SORD: variants seen among roughly 807,000 people sequenced by gnomAD.
The protein encoded by SORD is sorbitol dehydrogenase.
In SORD, 18 loss-of-function variants were observed where a neutral mutation model predicts 35.6. The ratio of observed to expected loss-of-function variants is 0.51; its 90% CI spans 0.35 to 0.75. SORD has a LOEUF of 0.75. SORD is among the 30% of genes least tolerant of loss of function. The pLI, the probability that SORD is intolerant of heterozygous loss-of-function variation, is 0.01. For missense variants in SORD, 250 were observed against 390.2 expected, an observed-to-expected ratio of 0.64 and a Z score of 3.03; for synonymous variants, 106 against 152.9, an observed-to-expected ratio of 0.69 and a Z score of 2.26.
chr15:45,030,922 T>G (rs1391349565), intron 1 of SORD, among the ~76,000 whole-genome samples: 4 of 152,250 alleles, frequency 2.6e-5, no homozygotes, highest in Non-Finnish European at 5.9e-5. Flanking sequence ...CTACTTGTGC[T>G]GACTCCGACC....
In SORD at chr15:45,068,448, A is replaced by AGT. The variant is rs3042989; in HGVS notation, c.610+217_610+218dup. On this transcript the variant is annotated intron_variant, in intron 6 of 8. Transcript: ENST00000267814. ...GAGAGAGAGAGAGTTTGTGTGAGAG[A>AGT]GTGTGTGTGTGTGTGTCTGTGTGTA... is the stretch of plus-strand genomic sequence containing the variant. 4.0e-4 allele frequency among the ~76,000 whole-genome samples: 47 copies of AGT among 116,154 alleles called. No individual in the cohort carries two copies. The East Asian group carries it at 6.5e-3, about 16-fold the overall frequency. 76.2% of individuals were successfully genotyped at this position (116,154 alleles called of 152,430 possible). A position where few individuals can be genotyped will look rare whatever the true frequency, so the allele number is the denominator to read the frequency against.
At chr15:45,058,815 T>G (rs1316126635) in intron 3 of SORD, 6 of 152,254 alleles carry the variant, frequency 3.9e-5, no homozygotes, top group Non-Finnish European at 8.8e-5. Context: ...GTCTAGGTGT[T>G]GTGTAACTTA....
chr15:45,060,256 G>C (rs1376854142), intron 3 of SORD, among the ~76,000 whole-genome samples: 3 of 152,224 alleles, frequency 2.0e-5, no homozygotes, highest in Non-Finnish European at 4.4e-5. Flanking sequence ...AGTGAACATA[G>C]CTAGATGTTC....
intron 1 of SORD, among the ~76,000 whole-genome samples, chr15:45,023,595 A>T (rs558947309): frequency 2.0e-4 from 30 of 152,352 alleles, no homozygotes; most frequent in Non-Finnish European, 3.7e-4. Context: ...GCCGGTGCCC[A>T]GGACGGTTGC....
intron 1 of SORD, among the ~76,000 whole-genome samples, chr15:45,031,447 T>C (rs1288810386): frequency 3.3e-5 from 5 of 152,362 alleles, no homozygotes; most frequent in African/African-American, 1.2e-4. Flanking sequence ...TTGTTGCTGT[T>C]CTTCTCCCAG....
chr15:45,048,733 G>A (rs1893083343), intron 3 of SORD, among the ~76,000 whole-genome samples: 1 of 152,142 alleles, frequency 6.6e-6, no homozygotes, highest in East Asian at 1.9e-4. Context: ...GAGTGAGGTT[G>A]GAACGAAAGT....
At chr15:45,070,081 C>A (rs1413083380) in intron 7 of SORD, 1 of 152,158 alleles carries the variant, frequency 6.6e-6, no homozygotes, top group Non-Finnish European at 1.5e-5. Context: ...TGCACAATAG[C>A]CCTGAAAACC....
chr15:45,023,588 G>A (rs1475848298), intron 1 of SORD, among the ~76,000 whole-genome samples: 1 of 152,224 alleles, frequency 6.6e-6, no homozygotes, highest in Non-Finnish European at 1.5e-5. Context: ...GCACGTGGCC[G>A]GTGCCCAGGA....
intron 4 of SORD, among the ~76,000 whole-genome samples, chr15:45,063,656 A>G (rs1893359262): frequency 6.6e-6 from 1 of 152,168 alleles, no homozygotes. Context: ...CACCTTCCCC[A>G]ATCCCATCTC....
intron 3 of SORD, among the ~76,000 whole-genome samples, chr15:45,055,946 A>G (rs1425739024): frequency 3.3e-5 from 5 of 152,200 alleles, no homozygotes; most frequent in Non-Finnish European, 7.4e-5. Flanking sequence ...ACAACTCTTC[A>G]TGCTAAAAAC....
At chr15:45,060,838 G>A (rs151122862) in intron 3 of SORD, 401 of 801,386 alleles carry the variant, frequency 5.0e-4, no homozygotes, top group Non-Finnish European at 6.9e-4. Flanking sequence ...GTGACTCTGT[G>A]CTTCATCCCA....
At chr15:45,055,746 A>T (rs904181645) in intron 3 of SORD, among the ~76,000 whole-genome samples, 13 of 152,376 alleles carry the variant, frequency 8.5e-5, no homozygotes, top group Admixed American at 7.8e-4. Flanking sequence ...CCTCAATAAA[A>T]TACTGGCAAA....
At chr15:45,044,191 TG>T (rs1305740200) in intron 3 of SORD, among the ~76,000 whole-genome samples, 1 of 152,248 alleles carries the variant, frequency 6.6e-6, no homozygotes, top group South Asian at 2.1e-4. Context: ...AAGGCTCCTG[TG>T]GTGTTATGAG....
intron 3 of SORD, among the ~76,000 whole-genome samples, chr15:45,054,393 C>G (rs1893179052): frequency 6.6e-6 from 1 of 152,112 alleles, no homozygotes; most frequent in African/African-American, 2.4e-5. Context: ...CTCTGATGGC[C>G]AGTGATGATG....
At chr15:45,041,134 C>T in intron 2 of SORD, among the ~76,000 whole-genome samples, 1 of 152,222 alleles carries the variant, frequency 6.6e-6, no homozygotes. Context: ...TGCAACTTCC[C>T]AGCTTTGGGT....
Position 45,068,203 on chromosome 15 carries a change from G to C in SORD, c.567G>C (p.Leu189Phe), listed in dbSNP as rs371955248. The C allele has an allele frequency of 4.3e-5, 70 of 1,613,800 alleles. No homozygotes were observed. Among genetic ancestry groups the C allele is most frequent in the Non-Finnish European group, 5.8e-5 (69 of 1,179,804 alleles). The change falls in exon 6 of 9, where the codon TTG becomes TTC. Residue 189 changes from leucine to phenylalanine, a missense_variant. Transcript: ENST00000267814. Reference sequence around the variant, plus strand: ...TAGGGCCAATCGGGATGGTCACTTTGCTCGTGGCCAAAGCAATGGGAGCAG... The same window carrying C: ...TAGGGCCAATCGGGATGGTCACTTTCCTCGTGGCCAAAGCAATGGGAGCAG... ...CGAGPIGMVTLLVAKAMGAAQ... is the reference protein window; with the variant it reads ...CGAGPIGMVTFLVAKAMGAAQ...
At chr15:45,044,184 G>T (rs1392946266) in intron 3 of SORD, among the ~76,000 whole-genome samples, 6 of 152,226 alleles carry the variant, frequency 3.9e-5, no homozygotes, top group African/African-American at 7.2e-5. Context: ...AGTCAAGAAG[G>T]CTCCTGTGGT....
intron 3 of SORD, among the ~76,000 whole-genome samples, chr15:45,059,517 ACAGTTTTGCTCTGT>A (rs1249696491): frequency 6.6e-6 from 1 of 152,162 alleles, no homozygotes; most frequent in Non-Finnish European, 1.5e-5. Context: ...TGTTTTTGAG[ACAGTTTTGCTCTGT>A]CACCCAGGTG....
chr15:45,049,581 G>A (rs1410928361), intron 3 of SORD, among the ~76,000 whole-genome samples: 3 of 152,150 alleles, frequency 2.0e-5, no homozygotes, highest in Admixed American at 6.5e-5. Flanking sequence ...CCAAGATTTG[G>A]GTGCATGGGA....
Sources: allele counts gnomAD v4.1 joint callset (sites outside exome capture counted in the v4.1 genomes callset), GRCh38; gene constraint gnomAD v4.1.1; transcripts MANE v1.5; gene names NCBI Gene and HGNC (gene_info 2026-07-23, HGNC 2026-07-21).